The following SPATA22 variants were observed in gnomAD, a reference collection of about 807,000 sequenced individuals.
The protein encoded by SPATA22 is spermatogenesis-associated protein 22.
Under a neutral mutation model 47.8 loss-of-function variants are expected in SPATA22, and 29 were observed. The ratio of observed to expected loss-of-function variants is 0.61; its 90% CI spans 0.45 to 0.83. The LOEUF (loss-of-function observed/expected upper bound fraction) is 0.83, where lower values mean the gene tolerates loss of function less well. Among genes scored for constraint, SPATA22 ranks in the 40% least tolerant of loss-of-function variants. The probability of loss-of-function intolerance (pLI) is 0.00; values close to 1 mark genes in which losing one functional copy is unlikely to be tolerated. For synonymous variants in SPATA22, 133 were observed against 140.9 expected (o/e 0.94, Z 0.40); for missense variants, 410 against 421.7 (o/e 0.97, Z 0.24).
chr17:3,462,403 T>C (rs2073142279), intron 5 of SPATA22, 80 bp downstream of exon 5: 4 of 936,892 alleles, frequency 4.3e-6, no homozygotes, highest in Non-Finnish European at 6.5e-6. Flanking sequence ...AACAACGAAG[T>C]GAAGGAGGAG....
chr17:3,491,710 T>G (rs1245160725), intron 1 of SPATA22, among the ~76,000 whole-genome samples: 1 of 151,712 alleles, frequency 6.6e-6, no homozygotes, highest in Non-Finnish European at 1.5e-5. Context: ...TTCATGCCAC[T>G]GCACTCCAGC....
At position 3,485,094 on chromosome 17, in the gene SPATA22, C is replaced by T. The variant is rs1384516265; in HGVS notation, c.-73-15696G>A. ...AGTGTAGTGGCACGATCACAGTTCA[C>T]TGCAGCCTTGACCTCCTGGGCTCAG... On this transcript the variant is annotated intron_variant, in intron 1 of 8. Coordinates refer to the SPATA22 transcript ENST00000541913. This position sits in a 1 kb window ranked among gnomAD's most constrained non-coding sequence, Gnocchi z 4.4. Among the ~76,000 whole-genome samples the T allele has an allele frequency of 1.3e-5, 2 of 152,120 alleles. No individual in the cohort carries two copies. The highest frequency in any genetic ancestry group is 2.9e-5 in the Non-Finnish European group (2 of 68,028).
intron 1 of SPATA22, among the ~76,000 whole-genome samples, chr17:3,509,183 C>G (rs2074078615): frequency 1.3e-5 from 2 of 151,770 alleles, no homozygotes; most frequent in South Asian, 4.2e-4. Flanking sequence ...GGATAGAGCC[C>G]TCATTTTTTT....
chr17:3,463,963 G>GCCTCTCCCTCTC (rs1403936430), intron 3 of SPATA22, among the ~76,000 whole-genome samples: 3 of 40,394 alleles, frequency 7.4e-5, no homozygotes, highest in African/African-American at 3.6e-4. Flanking sequence ...CTCTCCCTCT[G>GCCTCTCCCTCTC]CCTCTCCCTC....
rs776430137 is a variant in SPATA22 at position 3,440,293 on chromosome 17, C to T, written c.946G>A (p.Val316Ile). ...RLIRGRVHRCVGNYDQKKNIF... is the reference protein window; with the variant it reads ...RLIRGRVHRCIGNYDQKKNIF... ...TTCTTTTTCTGGTCATAGTTGCCAA[C>T]ACATCTATGAACTCGGCCTCTAATC... is the stretch of plus-strand genomic sequence containing the variant. The change falls in exon 9 of 9, where the codon GTT (valine) becomes ATT (isoleucine). Residue 316 changes from valine to isoleucine, a missense_variant. Val to Ile is a conservative substitution (Grantham distance 29, BLOSUM62 3). Coordinates refer to ENST00000572969, the MANE Select transcript of SPATA22 (RefSeq NM_001170698.2). 1.2e-6 allele frequency: 2 copies of T among 1,607,272 alleles called. No homozygotes were observed. The highest frequency in any genetic ancestry group is 8.5e-7 in the Non-Finnish European group (1 of 1,175,846).
chr17:3,454,405 T>C (rs1340340340), intron 5 of SPATA22, among the ~76,000 whole-genome samples: 1 of 152,068 alleles, frequency 6.6e-6, no homozygotes, highest in Non-Finnish European at 1.5e-5. Context: ...ACCCATTAAC[T>C]CATCTTTAGC....
intron 1 of SPATA22, among the ~76,000 whole-genome samples, chr17:3,508,510 A>T (rs1225243104): frequency 5.4e-5 from 8 of 149,056 alleles, no homozygotes; most frequent in Non-Finnish European, 1.2e-4. Flanking sequence ...CAGATGTCCA[A>T]CAATGATAGA....
At chr17:3,503,964 G>C (rs1352809780) in intron 1 of SPATA22, among the ~76,000 whole-genome samples, 2 of 151,566 alleles carry the variant, frequency 1.3e-5, no homozygotes, top group Non-Finnish European at 2.9e-5. Flanking sequence ...GGCCCTTCCT[G>C]ATCTGCCCTC....
chr17:3,501,049 T>C (rs2073983992), intron 1 of SPATA22: 2 of 152,170 alleles, frequency 1.3e-5, no homozygotes, highest in Non-Finnish European at 1.5e-5. Flanking sequence ...AGCATTGTTT[T>C]CGCGCCTGCT....
intron 1 of SPATA22, among the ~76,000 whole-genome samples, chr17:3,495,084 T>C (rs2073887241): frequency 6.6e-6 from 1 of 150,542 alleles, no homozygotes; most frequent in Admixed American, 6.6e-5. Flanking sequence ...AATGACATAG[T>C]GAAGAAGGAA....
intron 1 of SPATA22, among the ~76,000 whole-genome samples, chr17:3,506,698 G>A (rs1420942074): frequency 2.0e-5 from 3 of 152,158 alleles, no homozygotes; most frequent in Non-Finnish European, 4.4e-5. Flanking sequence ...CCAGCACGTC[G>A]GGAGGCCGAG....
chr17:3,465,265 C>T (rs1156728966), intron 3 of SPATA22, among the ~76,000 whole-genome samples: 4 of 150,346 alleles, frequency 2.7e-5, no homozygotes, highest in South Asian at 2.1e-4. Context: ...GCCACCACCC[C>T]GTCTGGGAGG....
intron 1 of SPATA22, among the ~76,000 whole-genome samples, chr17:3,504,965 T>C (rs967114287): frequency 2.0e-5 from 3 of 152,346 alleles, no homozygotes; most frequent in Non-Finnish European, 2.9e-5. Flanking sequence ...GTCCAAGTCC[T>C]ACATGCACTG....
At position 3,485,176 on chromosome 17, in the gene SPATA22, A is replaced by G. The variant is rs1196181302; in HGVS notation, c.-73-15778T>C. Among the ~76,000 whole-genome samples, 1 of 152,030 alleles carries G rather than the reference A, an allele frequency of 6.6e-6. No homozygotes were observed. The highest frequency in any genetic ancestry group is 1.9e-4 in the East Asian group (1 of 5,186). ...TTGAACTACAGGCACGTGCCACCAC[A>G]TTCAGCTAATTTTTTATTTTTTGTA... On this transcript the variant is annotated intron_variant, in intron 1 of 8. Coordinates refer to the SPATA22 transcript ENST00000541913. The surrounding 1 kb of genome is among the most constrained non-coding windows in gnomAD (Gnocchi z 4.4).
chr17:3,465,790 T>TAAAAAAAAAAAA (rs10681973), intron 3 of SPATA22, among the ~76,000 whole-genome samples: 1 of 147,510 alleles, frequency 6.8e-6, no homozygotes. Context: ...AATAAAAATT[T>TAAAAAAAAAAAA]AAAAAACAAA....
At chr17:3,443,136 GA>G in intron 8 of SPATA22, 37 bp downstream of exon 8, 11 of 1,384,760 alleles carry the variant, frequency 7.9e-6, no homozygotes, top group Non-Finnish European at 1.1e-5. Flanking sequence ...ATATTCTGTT[GA>G]CATAGGCTTC....
intron 3 of SPATA22, among the ~76,000 whole-genome samples, chr17:3,465,694 G>C (rs973374784): frequency 2.0e-5 from 3 of 150,718 alleles, no homozygotes; most frequent in Admixed American, 2.0e-4. Context: ...TTGTTCACTT[G>C]TTTATCTGCT....
intron 1 of SPATA22, among the ~76,000 whole-genome samples, chr17:3,508,358 T>C (rs555867422): frequency 6.6e-6 from 1 of 151,676 alleles, no homozygotes; most frequent in East Asian, 2.0e-4. Context: ...CTCAGGGATC[T>C]AGAACTAGAA....
At chr17:3,513,794 G>T in exon 1 of SPATA22, 1 of 774,508 alleles carries the variant, frequency 1.3e-6, no homozygotes, top group Non-Finnish European at 2.2e-6. Context: ...GCACGAGGGT[G>T]CACTCTGCTT....
Sources: allele counts gnomAD v4.1 joint callset (sites outside exome capture counted in the v4.1 genomes callset), GRCh38; gene constraint gnomAD v4.1.1; non-coding constraint Gnocchi (gnomAD v3.1); transcripts MANE v1.5; gene names NCBI Gene and HGNC (gene_info 2026-07-23, HGNC 2026-07-21).